ZNF609: variants seen among roughly 807,000 people sequenced by gnomAD.
ZNF609 encodes zinc finger protein 609.
Under a neutral mutation model 109.5 loss-of-function variants are expected in ZNF609, and 11 were observed. The ratio of observed to expected loss-of-function variants is 0.10; its 90% CI spans 0.06 to 0.17. The LOEUF is 0.17. Among genes scored for constraint, ZNF609 ranks in the 10% least tolerant of loss-of-function variants. ZNF609 has a pLI of 1.00. For missense variants in ZNF609, 1,559 were observed against 1,772.4 expected, an observed-to-expected ratio of 0.88 and a Z score of 2.16; for synonymous variants, 646 against 662.0, an observed-to-expected ratio of 0.98 and a Z score of 0.37.
intron 2 of ZNF609, among the ~76,000 whole-genome samples, chr15:64,581,331 A>C (rs1895100929): frequency 6.6e-6 from 1 of 151,730 alleles, no homozygotes; most frequent in South Asian, 2.1e-4. Flanking sequence ...TTTTTTAAAG[A>C]TTTTCTTCTA....
intron 4 of ZNF609, 45 bp from the exon 5 acceptor site, chr15:64,673,871 T>C (rs751399947): frequency 1.3e-6 from 2 of 1,559,634 alleles, no homozygotes; most frequent in Non-Finnish European, 1.7e-6. Context: ...TTTGAAGATG[T>C]TTTCTCTTCT....
intron 2 of ZNF609, among the ~76,000 whole-genome samples, chr15:64,588,543 C>T (rs1895241382): frequency 6.6e-6 from 1 of 150,638 alleles, no homozygotes; most frequent in South Asian, 2.1e-4. Context: ...TGGTATCTCA[C>T]TTTGTTGCCC....
At chr15:64,538,106 CAA>C (rs397941206) in intron 2 of ZNF609, among the ~76,000 whole-genome samples, 2 of 129,494 alleles carry the variant, frequency 1.5e-5, no homozygotes. Flanking sequence ...AACTCCATCT[CAA>C]AAAAAAAAAA....
intron 1 of ZNF609, among the ~76,000 whole-genome samples, chr15:64,469,273 G>A (rs1373960731): frequency 2.6e-5 from 4 of 151,006 alleles, no homozygotes; most frequent in African/African-American, 7.3e-5. Context: ...CAATAAATAC[G>A]TAAATAATTA....
At position 64,632,302 on chromosome 15, in the gene ZNF609, G is replaced by T. The variant is rs367724659; in HGVS notation, c.973+9250G>T. On this transcript the variant is annotated intron_variant, in intron 3 of 9. Coordinates refer to ENST00000326648, the MANE Select transcript of ZNF609 (RefSeq NM_015042.2). ...ATTCCTGGGTTCAAGCAATCCTCCC[G>T]CCTCACCTCCCAAAATGCTGGTATT... is the stretch of plus-strand genomic sequence containing the variant. 3.3e-5 allele frequency among the ~76,000 whole-genome samples: 5 copies of T among 150,998 alleles called. No homozygotes were observed. In the South Asian group the frequency reaches 8.4e-4, roughly 25 times the overall value.
At chr15:64,469,316 C>T (rs1418681443) in intron 1 of ZNF609, among the ~76,000 whole-genome samples, 1 of 149,020 alleles carries the variant, frequency 6.7e-6, no homozygotes, top group African/African-American at 2.5e-5. Flanking sequence ...CCCAGCTCTT[C>T]AGGAAGCAGA....
chr15:64,550,812 G>A (rs1894455588), intron 2 of ZNF609, among the ~76,000 whole-genome samples: 1 of 148,830 alleles, frequency 6.7e-6, no homozygotes, highest in Non-Finnish European at 1.5e-5. Context: ...ACTCCAGCCT[G>A]GGTGACACAG....
chr15:64,524,596 T>C (rs537091301), intron 2 of ZNF609, among the ~76,000 whole-genome samples: 2 of 151,902 alleles, frequency 1.3e-5, no homozygotes, highest in Non-Finnish European at 2.9e-5. Context: ...GCCTTTTGTG[T>C]CTGACTCCTT....
intron 2 of ZNF609, among the ~76,000 whole-genome samples, chr15:64,582,733 T>TA (rs1468253326): frequency 7.5e-6 from 1 of 132,492 alleles, no homozygotes; most frequent in Non-Finnish European, 1.5e-5. Flanking sequence ...CTTTTTTTTT[T>TA]TTTTTGAGAC....
intron 2 of ZNF609, among the ~76,000 whole-genome samples, chr15:64,535,915 A>G (rs1894134239): frequency 6.6e-6 from 1 of 151,846 alleles, no homozygotes; most frequent in Admixed American, 6.6e-5. Flanking sequence ...TCACCTGTGT[A>G]TTCTCTTCAG....
chr15:64,557,714 T>G (rs922047498), intron 2 of ZNF609, among the ~76,000 whole-genome samples: 1 of 152,206 alleles, frequency 6.6e-6, no homozygotes, highest in Non-Finnish European at 1.5e-5. Flanking sequence ...TGGTTTTTTT[T>G]GGGACGGAGT....
At chr15:64,503,299 T>C (rs1264074325) in intron 2 of ZNF609, among the ~76,000 whole-genome samples, 2 of 152,152 alleles carry the variant, frequency 1.3e-5, no homozygotes, top group Non-Finnish European at 2.9e-5. Flanking sequence ...GAATTGTTAT[T>C]GAACACTTCT....
chr15:64,475,347 A>G (rs1314704576), intron 1 of ZNF609, among the ~76,000 whole-genome samples: 1 of 148,690 alleles, frequency 6.7e-6, no homozygotes, highest in Non-Finnish European at 1.5e-5. Context: ...CTTTATCTCT[A>G]ACTTTTTGCT....
intron 1 of ZNF609, among the ~76,000 whole-genome samples, chr15:64,496,222 A>G (rs1195799083): frequency 6.6e-6 from 1 of 152,254 alleles, no homozygotes; most frequent in Non-Finnish European, 1.5e-5. Flanking sequence ...AGAAGCTCTC[A>G]GTGAGCACTA....
chr15:64,523,708 A>T (rs1488407063), intron 2 of ZNF609, among the ~76,000 whole-genome samples: 1 of 151,886 alleles, frequency 6.6e-6, no homozygotes, highest in Non-Finnish European at 1.5e-5. Flanking sequence ...GATTGAAGTG[A>T]GCAGAGATCA....
intron 2 of ZNF609, among the ~76,000 whole-genome samples, chr15:64,567,387 C>CA (rs1463605431): frequency 2.0e-5 from 3 of 151,388 alleles, no homozygotes; most frequent in Non-Finnish European, 4.4e-5. Context: ...GAGGCTGAGG[C>CA]AGGAGAATCG....
intron 2 of ZNF609, among the ~76,000 whole-genome samples, chr15:64,595,620 A>G (rs1446907333): frequency 6.6e-6 from 1 of 152,162 alleles, no homozygotes; most frequent in Non-Finnish European, 1.5e-5. Flanking sequence ...CCCTAATACA[A>G]TATCCTTAGG....
intron 1 of ZNF609, among the ~76,000 whole-genome samples, chr15:64,473,844 G>A (rs979801402): frequency 6.6e-6 from 1 of 152,004 alleles, no homozygotes; most frequent in Non-Finnish European, 1.5e-5. Flanking sequence ...GCGTGATCTC[G>A]GCTCACTGCA....
At chr15:64,680,553 C>G in intron 7 of ZNF609, 93 bp from the exon 8 acceptor site, 1 of 1,294,048 alleles carries the variant, frequency 7.7e-7, no homozygotes. Flanking sequence ...GCACCCTGGG[C>G]ATCTCACTTG....
Sources: gnomAD v4.1 joint callset for allele counts (sites outside exome capture counted in the v4.1 genomes callset) on GRCh38, gnomAD v4.1.1 for gene constraint, MANE v1.5 for transcripts, NCBI Gene and HGNC (gene_info 2026-07-23, HGNC 2026-07-21) for gene names.